The following RYR3 variants were observed in gnomAD, a reference collection of about 807,000 sequenced individuals.
The protein encoded by RYR3 is brain ryanodine receptor-calcium release channel.
RYR3 carries 207 observed loss-of-function variants against 584.3 expected under a neutral mutation model. The ratio of observed to expected loss-of-function variants is 0.35; its 90% CI spans 0.32 to 0.40. The LOEUF (loss-of-function observed/expected upper bound fraction) is 0.40. RYR3 is among the 10% of genes least tolerant of loss of function. The probability of loss-of-function intolerance (pLI) is 1.00; values close to 1 mark genes in which losing one functional copy is unlikely to be tolerated. For synonymous variants in RYR3, 2,416 were observed against 2,248.5 expected (o/e 1.07, Z -2.11); for missense variants, 5,616 against 6,089.2 (o/e 0.92, Z 2.59).
At chr15:33,316,217 TG>T (rs2140479750) in intron 1 of RYR3, among the ~76,000 whole-genome samples, 1 of 152,312 alleles carries the variant, frequency 6.6e-6, no homozygotes, top group South Asian at 2.1e-4. Context: ...TAGCTATCTG[TG>T]CTTATTTGCC....
chr15:33,319,241 A>G (rs1968617281), intron 1 of RYR3, among the ~76,000 whole-genome samples: 1 of 152,242 alleles, frequency 6.6e-6, no homozygotes. Context: ...GTGTTGCTCT[A>G]TACCATGGAC....
At chr15:33,341,413 T>G (rs1195997506) in intron 1 of RYR3, among the ~76,000 whole-genome samples, 1 of 152,152 alleles carries the variant, frequency 6.6e-6, no homozygotes, top group Non-Finnish European at 1.5e-5. Context: ...AACACCACAC[T>G]TTGAGAACCA....
chr15:33,773,859 T>C (rs2073807825), intron 64 of RYR3, among the ~76,000 whole-genome samples: 1 of 152,184 alleles, frequency 6.6e-6, no homozygotes, highest in African/African-American at 2.4e-5. Context: ...AGAAGCAATA[T>C]AGCCAAGCTA....
chr15:33,717,688 A>G (rs1313405332), intron 43 of RYR3, among the ~76,000 whole-genome samples: 4 of 152,206 alleles, frequency 2.6e-5, no homozygotes, highest in African/African-American at 7.2e-5. Flanking sequence ...ATAAGCATTT[A>G]TTTCTTACAT....
chr15:33,373,123 T>C (rs1395322939), intron 1 of RYR3, among the ~76,000 whole-genome samples: 2 of 152,208 alleles, frequency 1.3e-5, no homozygotes, highest in Non-Finnish European at 2.9e-5. Flanking sequence ...GAATGGTGGA[T>C]TCATGCTGAT....
At chr15:33,375,945 T>C (rs1241226695) in intron 1 of RYR3, among the ~76,000 whole-genome samples, 1 of 152,084 alleles carries the variant, frequency 6.6e-6, no homozygotes, top group East Asian at 1.9e-4. Context: ...GCGCCTGTAG[T>C]TGCAGCTACT....
At position 33,838,258 on chromosome 15, in the gene RYR3, T is replaced by C. The variant is rs761043035; in HGVS notation, c.12278T>C (p.Ile4093Thr). 4 of 1,614,030 alleles carry C rather than the reference T, an allele frequency of 2.5e-6. No individual in the cohort carries two copies. Among genetic ancestry groups the C allele is most frequent in the Non-Finnish European group, 3.4e-6 (4 of 1,179,898 alleles). ...TTTGTGAACTTCTGTGAGGACACCA[T>C]CTTTGAAATGCAGTTAGCATCTCAG... Reference protein sequence around the residue: ...ELFVNFCEDTIFEMQLASQIS... With the variant: ...ELFVNFCEDTTFEMQLASQIS... The change falls in exon 89 of 104, where the codon ATC becomes ACC. Residue 4093 changes from isoleucine to threonine, a missense_variant. Physicochemically the swap from Ile to Thr is moderately conservative, Grantham distance 89. Around this residue, in one of 9 missense-constraint regions of RYR3, gnomAD observed 258 missense variants for 297.3 expected, o/e 0.87. Transcript: ENST00000634891.
At chr15:33,496,342 T>C (rs2051422128) in intron 2 of RYR3, among the ~76,000 whole-genome samples, 1 of 152,036 alleles carries the variant, frequency 6.6e-6, no homozygotes, top group Non-Finnish European at 1.5e-5. Context: ...CAATCTGAAA[T>C]CTAGAGCCAC....
intron 22 of RYR3, among the ~76,000 whole-genome samples, chr15:33,630,883 C>T (rs1225511488): frequency 6.6e-6 from 1 of 152,148 alleles, no homozygotes; most frequent in Non-Finnish European, 1.5e-5. Flanking sequence ...TCATCTAAAT[C>T]GGGAGTTGAC....
chr15:33,621,601 G>T (rs998709930), intron 19 of RYR3, among the ~76,000 whole-genome samples: 1 of 152,062 alleles, frequency 6.6e-6, no homozygotes, highest in African/African-American at 2.4e-5. Context: ...CTTAATGTAG[G>T]CGCATTCACA....
Position 33,755,156 on chromosome 15 carries a change from G to C in RYR3, c.8491G>C (p.Ala2831Pro). The change falls in exon 58 of 104, where the codon GCT (alanine) becomes CCT (proline). Residue 2831 changes from alanine (A) to proline (P), a missense_variant. Physicochemically the swap from Ala to Pro is conservative, Grantham distance 27. This residue lies in a region of RYR3 where 1,280 missense variants were observed against 1,426.2 expected (regional missense o/e 0.90). Transcript: ENST00000634891. ...LKKILKYVDSAQEFIAHLEAI... is the reference protein window; with the variant it reads ...LKKILKYVDSPQEFIAHLEAI... The stretch of plus-strand genomic sequence containing the variant: ...GAAGATCCTGAAATACGTTGATTCT[G>C]CTCAAGAATTTATTGCCCATTTAGG... 6.2e-7 allele frequency: 1 copy of C among 1,609,576 alleles called. No homozygotes were observed. Among genetic ancestry groups the C allele is most frequent in the South Asian group, 1.1e-5 (1 of 90,588 alleles).
At chr15:33,611,868 A>G (rs1425857391) in intron 18 of RYR3, among the ~76,000 whole-genome samples, 1 of 152,104 alleles carries the variant, frequency 6.6e-6, no homozygotes, top group Non-Finnish European at 1.5e-5. Flanking sequence ...CATGTTGGCC[A>G]GGCTGGTCTC....
In RYR3 at chr15:33,789,612, C is replaced by T. The variant is rs551080303; in HGVS notation, c.9830+1154C>T. Reference sequence around the variant, plus strand: ...CAAATTTTATGTTATATGCATGTTACCAGGTTTTATTTTATATATATATAT... The same window carrying T: ...CAAATTTTATGTTATATGCATGTTATCAGGTTTTATTTTATATATATATAT... On this transcript the variant is annotated intron_variant, in intron 67 of 103. Transcript: ENST00000634891. Among the ~76,000 whole-genome samples the T allele has an allele frequency of 2.6e-3, 179 of 69,664 alleles. 3 individuals are homozygous for T. The highest frequency in any genetic ancestry group is 4.3e-3 in the Non-Finnish European group (161 of 37,600). 45.7% of individuals were successfully genotyped at this position (69,664 alleles called of 152,430 possible).
rs1889614970 is a variant in RYR3, at chr15:33,864,246, CTT to C, written c.14517+58_14517+59del. 6 of 1,327,412 alleles carry C rather than the reference CTT, an allele frequency of 4.5e-6. No individual in the cohort carries two copies. The South Asian group carries it at 7.5e-5, about 16-fold the overall frequency. The allele number at this position is 1,327,412 out of a possible 1,614,324, so 82.2% of individuals were successfully genotyped here. On this transcript the variant is annotated intron_variant, in intron 103 of 103. Coordinates refer to ENST00000634891, the MANE Select transcript of RYR3 (RefSeq NM_001036.6). ...GATCTCCCTTTCCTAAATCTTGAGACTTAGTAGGGCATAGGTTATCTGAAATA... is the reference window on the plus strand; with the variant it reads ...GATCTCCCTTTCCTAAATCTTGAGACAGTAGGGCATAGGTTATCTGAAATA...
At chr15:33,392,742 A>G (rs2042081293) in intron 1 of RYR3, among the ~76,000 whole-genome samples, 1 of 152,148 alleles carries the variant, frequency 6.6e-6, no homozygotes, top group Non-Finnish European at 1.5e-5. Flanking sequence ...CTGGAATGGC[A>G]TTGAGGGGTT....
intron 1 of RYR3, among the ~76,000 whole-genome samples, chr15:33,447,862 C>A (rs1188516184): frequency 6.6e-6 from 1 of 152,054 alleles, no homozygotes; most frequent in African/African-American, 2.4e-5. Flanking sequence ...GTAATAAGTA[C>A]CATTTAGCAT....
chr15:33,690,523 C>T (rs914717572), intron 38 of RYR3, among the ~76,000 whole-genome samples: 7 of 152,330 alleles, frequency 4.6e-5, no homozygotes, highest in South Asian at 2.1e-4. Flanking sequence ...CATTTAATCT[C>T]GTACATACCT....
In RYR3 at chr15:33,336,497, AGAAAGAAGGAGGGAAGGAGG is replaced by A. The variant is rs1455280779; in HGVS notation, c.51+25405_51+25424del. On this transcript the variant is annotated intron_variant, in intron 1 of 103. Coordinates refer to ENST00000634891, the MANE Select transcript of RYR3 (RefSeq NM_001036.6). ...GAGAGAGAGAGAGAGAAAGAAAGAA[AGAAAGAAGGAGGGAAGGAGG>A]GAAGGAGGGAAGGAGGGAAGGAGGG... Among the ~76,000 whole-genome samples, 17 of 24,224 alleles carry A rather than the reference AGAAAGAAGGAGGGAAGGAGG, an allele frequency of 7.0e-4. 5 individuals carry two copies. Among genetic ancestry groups the A allele is most frequent in the Non-Finnish European group, 1.2e-3 (17 of 14,530 alleles). The allele number at this position is 24,224 out of a possible 152,430, so 15.9% of individuals were successfully genotyped here.
At chr15:33,686,840 A>G (rs568437430) in intron 38 of RYR3, among the ~76,000 whole-genome samples, 1 of 152,360 alleles carries the variant, frequency 6.6e-6, no homozygotes, top group East Asian at 1.9e-4. Flanking sequence ...ATCTCAATAG[A>G]TGCAGAAAAG....
Sources: gnomAD v4.1 joint callset for allele counts (sites outside exome capture counted in the v4.1 genomes callset) on GRCh38, gnomAD v4.1.1 for gene constraint, gnomAD v4.1.1 regional missense constraint, MANE v1.5 for transcripts, NCBI Gene and HGNC (gene_info 2026-07-23, HGNC 2026-07-21) for gene names.